The following SPMAP2L variants were observed in gnomAD, a reference collection of about 807,000 sequenced individuals.
SPMAP2L encodes sperm microtubule associated protein 2 like, also known as sperm microtubule associated protein 2-like.
the SPMAP2L span, among the ~76,000 whole-genome samples, chr4:56,578,174 T>G: frequency 6.6e-6 from 1 of 152,152 alleles, no homozygotes; most frequent in Admixed American, 6.6e-5. Flanking sequence ...AAAGCAATAA[T>G]TATAAATTTA....
At chr4:56,608,163 T>G in the SPMAP2L span, among the ~76,000 whole-genome samples, 54 of 152,268 alleles carry the variant, frequency 3.5e-4, no homozygotes, top group South Asian at 1.0e-3. Flanking sequence ...TCATATGATA[T>G]TTGCAGGAGA....
chr4:56,593,082 C>T, the SPMAP2L span: 1 of 1,580,056 alleles, frequency 6.3e-7, no homozygotes, highest in Non-Finnish European at 8.7e-7. Flanking sequence ...TGTAACTGCT[C>T]AGTGCCACAG....
chr4:56,607,363 C>T, the SPMAP2L span, among the ~76,000 whole-genome samples: 1 of 152,216 alleles, frequency 6.6e-6, no homozygotes, highest in African/African-American at 2.4e-5. Context: ...TGATCTTAGA[C>T]TTCCCAGCCT....
the SPMAP2L span, among the ~76,000 whole-genome samples, chr4:56,564,133 ATTTTT>A: frequency 7.5e-6 from 1 of 133,636 alleles, no homozygotes. Flanking sequence ...AATCTGTGGA[ATTTTT>A]TTTTTTTTTT....
the SPMAP2L span, among the ~76,000 whole-genome samples, chr4:56,553,665 C>A: frequency 6.6e-6 from 1 of 151,858 alleles, no homozygotes; most frequent in South Asian, 2.1e-4. Context: ...AATTGATGAG[C>A]CAATATTGAT....
At chr4:56,550,109 T>C in the SPMAP2L span, among the ~76,000 whole-genome samples, 1 of 152,208 alleles carries the variant, frequency 6.6e-6, no homozygotes, top group African/African-American at 2.4e-5. Flanking sequence ...TTTACATGTA[T>C]GGTTATTATT....
chr4:56,613,070 T>G, the SPMAP2L span, among the ~76,000 whole-genome samples: 1 of 152,072 alleles, frequency 6.6e-6, no homozygotes, highest in African/African-American at 2.4e-5. Flanking sequence ...TGTTCTCCCT[T>G]ATATAACTCT....
the SPMAP2L span, among the ~76,000 whole-genome samples, chr4:56,562,170 A>G: frequency 2.6e-5 from 4 of 152,306 alleles, no homozygotes; most frequent in East Asian, 7.7e-4. Flanking sequence ...GATTAAAGTA[A>G]TAACCAAGAA....
At chr4:56,612,985 C>A in the SPMAP2L span, among the ~76,000 whole-genome samples, 1 of 152,136 alleles carries the variant, frequency 6.6e-6, no homozygotes, top group African/African-American at 2.4e-5. Flanking sequence ...CAGCAAACCT[C>A]TAAGCGGAGT....
At chr4:56,538,749 G>A in the SPMAP2L span, among the ~76,000 whole-genome samples, 2 of 152,188 alleles carry the variant, frequency 1.3e-5, no homozygotes, top group African/African-American at 4.8e-5. Context: ...GTTGCAGTGA[G>A]CCAATATCAT....
chr4:56,539,525 G>A, the SPMAP2L span, among the ~76,000 whole-genome samples: 2 of 152,090 alleles, frequency 1.3e-5, no homozygotes, highest in African/African-American at 2.4e-5. Context: ...AGGTTCAAGC[G>A]ATTCTCCTGC....
At chr4:56,584,658 A>G in the SPMAP2L span, 1 of 1,238,632 alleles carries the variant, frequency 8.1e-7, no homozygotes, top group Non-Finnish European at 1.1e-6. Flanking sequence ...GACTTGTAAC[A>G]TGCTGCCTAC....
the SPMAP2L span, among the ~76,000 whole-genome samples, chr4:56,578,798 C>A: frequency 2.0e-5 from 3 of 146,882 alleles, no homozygotes; most frequent in South Asian, 6.4e-4. Flanking sequence ...AAAAGACATA[C>A]AATTATGGCT....
At chr4:56,538,989 C>T in the SPMAP2L span, among the ~76,000 whole-genome samples, 43 of 152,216 alleles carry the variant, frequency 2.8e-4, no homozygotes, top group South Asian at 8.9e-3. Flanking sequence ...ATTAGCACAT[C>T]CCCGTGCCTC....
the SPMAP2L span, among the ~76,000 whole-genome samples, chr4:56,578,752 A>G: frequency 3.3e-5 from 5 of 151,718 alleles, no homozygotes; most frequent in Admixed American, 3.3e-4. Flanking sequence ...AAGACAGAGA[A>G]AGGACATTTT....
the SPMAP2L span, among the ~76,000 whole-genome samples, chr4:56,566,390 G>C: frequency 0.087 from 13,191 of 151,976 alleles, 726 homozygotes; most frequent in East Asian, 0.24. Flanking sequence ...GTAGAAACAG[G>C]GTTTCACCAT....
chr4:56,600,993 C>T, the SPMAP2L span: 1 of 1,535,368 alleles, frequency 6.5e-7, no homozygotes, highest in South Asian at 1.2e-5. Context: ...TAGCGAAGTC[C>T]AAGTCTGTTC....
At chr4:56,592,016 GT>G in the SPMAP2L span, among the ~76,000 whole-genome samples, 2 of 152,148 alleles carry the variant, frequency 1.3e-5, no homozygotes, top group Non-Finnish European at 2.9e-5. Flanking sequence ...ATACCGGTCC[GT>G]GGCCTGTTAG....
At chr4:56,620,510 C>G in the SPMAP2L span, among the ~76,000 whole-genome samples, 1 of 152,004 alleles carries the variant, frequency 6.6e-6, no homozygotes, top group Non-Finnish European at 1.5e-5. Flanking sequence ...CCTCACTGCC[C>G]GAGTAGCTGG....
Sources: gnomAD v4.1 joint callset for allele counts (sites outside exome capture counted in the v4.1 genomes callset) on GRCh38, gnomAD v4.1.1 for gene constraint, MANE v1.5 for transcripts, NCBI Gene and HGNC (gene_info 2026-07-23, HGNC 2026-07-21) for gene names.